The following SPPL2B variants were observed in gnomAD, a reference collection of about 807,000 sequenced individuals.
SPPL2B encodes the protein signal peptide peptidase-like 2B.
A neutral mutation model predicts 59.7 loss-of-function variants in SPPL2B; 39 were observed. The observed-to-expected ratio is 0.65, with a 90% confidence interval of 0.51 to 0.85. The LOEUF (loss-of-function observed/expected upper bound fraction) is 0.85. Among genes scored for constraint, SPPL2B ranks in the 40% least tolerant of loss-of-function variants. SPPL2B has a pLI of 0.00. For missense variants in SPPL2B, 865 were observed against 849.0 expected (o/e 1.02, Z -0.23); for synonymous variants, 419 against 370.8 (o/e 1.13, Z -1.49).
Position 2,344,428 on chromosome 19 carries a change from T to C in SPPL2B, c.1176+4T>C. On this transcript the variant is annotated splice_donor_region_variant and intron_variant, in intron 11 of 14. Transcript: ENST00000613503. ...GGACTCAGCCACCCGTGAGAAGGTG[T>C]GTCTTCTGACTGCAGGGTCTCAGGT... 2 of 1,566,910 alleles carry C rather than the reference T, an allele frequency of 1.3e-6. No individual in the cohort carries two copies. The highest frequency in any genetic ancestry group is 2.4e-5 in the East Asian group (1 of 42,330).
At chr19:2,349,745 C>CCA (rs1969775296) in intron 13 of SPPL2B, among the ~76,000 whole-genome samples, 2 of 139,894 alleles carry the variant, frequency 1.4e-5, no homozygotes, top group South Asian at 4.5e-4. Flanking sequence ...TTCTCTCTCT[C>CCA]CACACACATG....
In SPPL2B at chr19:2,328,789, C is replaced by T. The variant is rs1968122559; in HGVS notation, c.66+14C>T. Reference sequence around the variant, plus strand: ...CTCGCGGCCCAGGTGAGCGCGGCACCGGTCCCGACGGCACCGCGGGCTGCG... The same window carrying T: ...CTCGCGGCCCAGGTGAGCGCGGCACTGGTCCCGACGGCACCGCGGGCTGCG... On this transcript the variant is annotated intron_variant, in intron 1 of 14. Coordinates refer to ENST00000613503, the MANE Select transcript of SPPL2B (RefSeq NM_152988.3). 7 of 1,385,318 alleles carry T rather than the reference C, an allele frequency of 5.1e-6. No individual in the cohort carries two copies. The highest frequency in any genetic ancestry group is 5.6e-6 in the Non-Finnish European group (6 of 1,075,984). 85.8% of individuals were successfully genotyped at this position (1,385,318 alleles called of 1,614,324 possible).
intron 13 of SPPL2B, among the ~76,000 whole-genome samples, chr19:2,350,477 AC>A (rs1456021187): frequency 6.8e-6 from 1 of 146,036 alleles, no homozygotes; most frequent in Non-Finnish European, 1.5e-5. Flanking sequence ...ACACACACTC[AC>A]GCTTTCATTC....
intron 2 of SPPL2B, among the ~76,000 whole-genome samples, chr19:2,335,319 C>A (rs113941393): frequency 0.047 from 2,215 of 47,422 alleles, 250 homozygotes; most frequent in Middle Eastern, 0.08. Flanking sequence ...CCACTGCATC[C>A]TTCAGGCCCC....
chr19:2,345,083 G>A (rs1205550684), intron 12 of SPPL2B, among the ~76,000 whole-genome samples, 170 bp from the exon 13 acceptor site: 2 of 152,102 alleles, frequency 1.3e-5, no homozygotes, highest in Admixed American at 6.5e-5. Flanking sequence ...TGAGAGTCAT[G>A]GCAGCCCTGT....
intron 13 of SPPL2B, among the ~76,000 whole-genome samples, chr19:2,348,997 C>T (rs1213198282): frequency 5.5e-5 from 8 of 146,004 alleles, no homozygotes; most frequent in Non-Finnish European, 3.0e-5. Flanking sequence ...CACACACTCA[C>T]GCTCTCATTC....
rs1249856257 is a variant in SPPL2B at position 2,353,350 on chromosome 19, A to T, written c.*141A>T. Reference sequence around the variant, plus strand: ...CCCCACCCGCCCCAACATGGTGCTCATCCTTGCCGAGACCCCTGCGGTCTG... The same window carrying T: ...CCCCACCCGCCCCAACATGGTGCTCTTCCTTGCCGAGACCCCTGCGGTCTG... On this transcript the variant is annotated 3_prime_UTR_variant, in exon 15 of 15. Coordinates refer to ENST00000613503, the MANE Select transcript of SPPL2B (RefSeq NM_152988.3). The T allele has an allele frequency of 6.4e-6, 7 of 1,097,166 alleles. No homozygotes were observed. The highest frequency in any genetic ancestry group is 8.8e-6 in the Non-Finnish European group (7 of 793,140). The allele number at this position is 1,097,166 out of a possible 1,614,324, so 68.0% of individuals were successfully genotyped here. A position where few individuals can be genotyped will look rare whatever the true frequency, so the allele number is the denominator to read the frequency against.
chr19:2,339,870 G>A lies in SPPL2B; in HGVS notation c.646G>A (p.Asp216Asn), dbSNP rs747927809. The A allele has an allele frequency of 1.2e-6, 2 of 1,602,642 alleles. No homozygotes were observed. The highest frequency in any genetic ancestry group is 8.5e-7 in the Non-Finnish European group (1 of 1,174,704). ...CGACGATGGGCCCGAGAAGCAGGAG[G>A]ACGAGGCGGTGGACGTGACGCCGGT... is the stretch of plus-strand genomic sequence containing the variant. The part of the protein sequence containing the change: ...KRDDGPEKQE[D>N]EAVDVTPVMT... The change falls in exon 6 of 15, where the codon GAC becomes AAC. Residue 216 changes from aspartate to asparagine, a missense_variant. Physicochemically the swap from Asp to Asn is conservative, Grantham distance 23 (BLOSUM62 1). Coordinates refer to ENST00000613503, the MANE Select transcript of SPPL2B (RefSeq NM_152988.3).
At chr19:2,352,890 A>G (rs1158837174) in intron 14 of SPPL2B, 56 bp from the exon 15 acceptor site, 1 of 1,596,342 alleles carries the variant, frequency 6.3e-7, no homozygotes, top group African/African-American at 1.3e-5. Context: ...GGCCCCTGCC[A>G]GGGTCCTCCT....
At chr19:2,351,922 G>A (rs1454347676) in intron 14 of SPPL2B, among the ~76,000 whole-genome samples, 1 of 152,114 alleles carries the variant, frequency 6.6e-6, no homozygotes, top group South Asian at 2.1e-4. Context: ...TTCTAAAGTT[G>A]CTTCTCCCAA....
At chr19:2,345,884 T>C (rs1969341531) in intron 13 of SPPL2B, among the ~76,000 whole-genome samples, 2 of 151,644 alleles carry the variant, frequency 1.3e-5, no homozygotes, top group Non-Finnish European at 2.9e-5. Flanking sequence ...CCCGTCTTTC[T>C]CATTCTCCTT....
chr19:2,334,664 C>T lies in SPPL2B; in HGVS notation c.129C>T (p.Asp43=). The T allele has an allele frequency of 6.2e-7, 1 of 1,613,120 alleles. No individual in the cohort carries two copies. The highest frequency in any genetic ancestry group is 8.5e-7 in the Non-Finnish European group (1 of 1,179,524). Residue 43 remains aspartate, a synonymous_variant, in exon 2 of 15, where the codon GAC becomes GAT. Coordinates refer to ENST00000613503, the MANE Select transcript of SPPL2B (RefSeq NM_152988.3). ...AGGCCGGGGGCCCCGAAGGCAAAGA[C>T]TACTGCATCCTCTACAACCCGCAGT... is the stretch of plus-strand genomic sequence containing the variant. ...VSQAGGPEGK[D]YCILYNPQWA...
At position 2,354,913 on chromosome 19, in the gene SPPL2B, G is replaced by A. The variant is rs77855457; in HGVS notation, c.*1704G>A. The A allele has an allele frequency of 0.078, 11,913 of 152,394 alleles. 677 individuals carry two copies. The highest frequency in any genetic ancestry group is 0.12 in the Non-Finnish European group (8,323 of 68,090). 9.4% of individuals were successfully genotyped at this position (152,394 alleles called of 1,614,324 possible). A position where few individuals can be genotyped will look rare whatever the true frequency, so the allele number is the denominator to read the frequency against. Reference sequence around the variant, plus strand: ...GCCGCCTGGCTGTCCTGCAGAGGACGGATTGGAATTGCCACCGCAGGGCCG... The same window carrying A: ...GCCGCCTGGCTGTCCTGCAGAGGACAGATTGGAATTGCCACCGCAGGGCCG... On this transcript the variant is annotated 3_prime_UTR_variant, in exon 15 of 15. Coordinates refer to ENST00000613503, the MANE Select transcript of SPPL2B (RefSeq NM_152988.3).
intron 8 of SPPL2B, chr19:2,342,869 G>A (rs1195134620): frequency 1.1e-5 from 3 of 276,174 alleles, no homozygotes; most frequent in African/African-American, 6.4e-5. Flanking sequence ...AGCCGGCCAG[G>A]CCCGTGTCCA....
Position 2,339,858 on chromosome 19 carries a change from G to A in SPPL2B, c.634G>A (p.Glu212Lys), listed in dbSNP as rs776745493. ...YMKHKRDDGP[E>K]KQEDEAVDVT... ...GAAGCACAAGCGCGACGATGGGCCC[G>A]AGAAGCAGGAGGACGAGGCGGTGGA... Residue 212 changes from glutamate to lysine, a missense_variant, in exon 6 of 15, where the codon GAG becomes AAG. By Grantham distance (56) the Glu-to-Lys change is moderately conservative. Transcript: ENST00000613503. 6.2e-6 allele frequency: 10 copies of A among 1,604,740 alleles called. No homozygotes were observed. Among genetic ancestry groups the A allele is most frequent in the Middle Eastern group, 1.6e-4 (1 of 6,074 alleles).
intron 1 of SPPL2B, chr19:2,330,456 T>G (rs1387248359): frequency 6.6e-6 from 1 of 151,802 alleles, no homozygotes; most frequent in Non-Finnish European, 1.5e-5. Flanking sequence ...GTTTGCCGGG[T>G]CGGCAGGAGG....
chr19:2,350,138 TTCTC>T (rs61466682), intron 13 of SPPL2B, among the ~76,000 whole-genome samples: 7 of 126,302 alleles, frequency 5.5e-5, no homozygotes, highest in Admixed American at 3.2e-4. Flanking sequence ...CTTGATTCCG[TTCTC>T]TCTCTCCACA....
At chr19:2,338,455 CACTCAGG>C (rs1281419064) in intron 3 of SPPL2B, 1 of 293,354 alleles carries the variant, frequency 3.4e-6, no homozygotes, top group African/African-American at 2.2e-5. Context: ...TGACAAGTAT[CACTCAGG>C]ACTTGTATGT....
chr19:2,341,828 G>A (rs933102000), intron 8 of SPPL2B: 6 of 343,168 alleles, frequency 1.7e-5, no homozygotes, highest in Middle Eastern at 5.3e-4. Context: ...GCTGGGCGCA[G>A]GGGCTCACGC....
Sources: allele counts gnomAD v4.1 joint callset (sites outside exome capture counted in the v4.1 genomes callset), GRCh38; gene constraint gnomAD v4.1.1; transcripts MANE v1.5; gene names NCBI Gene and HGNC (gene_info 2026-07-23, HGNC 2026-07-21).